The following SMARCA2 variants were observed in gnomAD, a reference collection of about 807,000 sequenced individuals.
SMARCA2 encodes SWI/SNF related BAF chromatin remodeling complex subunit ATPase 2.
A neutral mutation model predicts 199.8 loss-of-function variants in SMARCA2; 61 were observed. The observed-to-expected ratio is 0.31, with a 90% confidence interval of 0.25 to 0.38. SMARCA2 has a LOEUF of 0.38. Ranked by LOEUF, SMARCA2 falls within the 10% of genes least tolerant of loss-of-function variation. SMARCA2 has a pLI of 1.00. For synonymous variants in SMARCA2, 935 were observed against 732.0 expected (o/e 1.28, Z -4.48); for missense variants, 1,344 against 2,012.2 (o/e 0.67, Z 6.35).
chr9:2,041,878 C>A (rs565721363), intron 4 of SMARCA2: 4 of 152,496 alleles, frequency 2.6e-5, no homozygotes, highest in African/African-American at 9.6e-5. Flanking sequence ...GCTTATCCTC[C>A]CTGAGTGCCT....
At chr9:2,151,311 G>C (rs1407804030) in intron 27 of SMARCA2, among the ~76,000 whole-genome samples, 1 of 151,576 alleles carries the variant, frequency 6.6e-6, no homozygotes, top group Non-Finnish European at 1.5e-5. Flanking sequence ...GGCCACCAAA[G>C]ATGAAAGTGC....
At position 2,115,231 on chromosome 9, in the gene SMARCA2, A is replaced by G. The variant is rs1823166955; in HGVS notation, c.3457-591A>G. Among the ~76,000 whole-genome samples, 1 of 152,190 alleles carries G rather than the reference A, an allele frequency of 6.6e-6. No individual in the cohort carries two copies. Among genetic ancestry groups the G allele is most frequent in the Non-Finnish European group, 1.5e-5 (1 of 68,030 alleles). On this transcript the variant is annotated intron_variant, in intron 24 of 33. Coordinates refer to ENST00000349721, the MANE Select transcript of SMARCA2 (RefSeq NM_003070.5). This position sits in a 1 kb window ranked among gnomAD's most constrained non-coding sequence, Gnocchi z 6.0. ...GACAAATTTCTGTCCCCAAAAGTTT[A>G]CCAGTTGACTACCCAACTAGCAATC...
At chr9:2,063,310 A>G (rs1205284693) in intron 9 of SMARCA2, among the ~76,000 whole-genome samples, 1 of 152,236 alleles carries the variant, frequency 6.6e-6, no homozygotes, top group African/African-American at 2.4e-5. Flanking sequence ...ATTCAAGTGC[A>G]AAGGAAGGGG....
At chr9:2,092,365 A>G (rs1298616010) in intron 19 of SMARCA2, among the ~76,000 whole-genome samples, 2 of 152,224 alleles carry the variant, frequency 1.3e-5, no homozygotes, top group Non-Finnish European at 2.9e-5. Context: ...CATTATATCA[A>G]ATTTTGGAAT....
At chr9:2,122,763 A>G (rs1250230840) in intron 26 of SMARCA2, among the ~76,000 whole-genome samples, 1 of 152,236 alleles carries the variant, frequency 6.6e-6, no homozygotes, top group Non-Finnish European at 1.5e-5. Flanking sequence ...GAAGAAGGAA[A>G]AGGTAAATAA....
rs1294085311 is a variant in SMARCA2, at chr9:2,016,793, G to C, written c.-37+1389G>C. ...GTTTGCTTTATTCCCATCCCAACCT[G>C]GTTTACCCCTTCCTTTGCTCTCCCC... On this transcript the variant is annotated intron_variant, in intron 1 of 33. Transcript: ENST00000349721. The surrounding 1 kb of genome is among the most constrained non-coding windows in gnomAD (Gnocchi z 5.6). 1.3e-5 allele frequency among the ~76,000 whole-genome samples: 2 copies of C among 152,190 alleles called. No homozygotes were observed. The highest frequency in any genetic ancestry group is 2.4e-5 in the African/African-American group (1 of 41,460).
At chr9:2,019,902 A>G (rs1311646642) in intron 1 of SMARCA2, among the ~76,000 whole-genome samples, 1 of 151,930 alleles carries the variant, frequency 6.6e-6, no homozygotes, top group Admixed American at 6.6e-5. Context: ...TTGATACCCC[A>G]GAGAAATAAT....
chr9:2,108,002 G>A (rs1296663397), intron 23 of SMARCA2, among the ~76,000 whole-genome samples: 2 of 152,182 alleles, frequency 1.3e-5, no homozygotes, highest in Non-Finnish European at 2.9e-5. Context: ...ACAGGGAAAG[G>A]TGATTGGCAG....
intron 27 of SMARCA2, among the ~76,000 whole-genome samples, chr9:2,142,973 ATTTTT>A (rs145491201): frequency 1.3e-5 from 2 of 151,948 alleles, no homozygotes; most frequent in Non-Finnish European, 2.9e-5. Context: ...GATTAAAATG[ATTTTT>A]TTTAAGTTCT....
chr9:2,149,208 T>TGA (rs1491435040), intron 27 of SMARCA2, among the ~76,000 whole-genome samples: 3 of 150,460 alleles, frequency 2.0e-5, no homozygotes, highest in Non-Finnish European at 4.5e-5. Context: ...CAAGAGAAAA[T>TGA]GAGAGAGATG....
rs1048936885 is a variant in SMARCA2, at chr9:2,179,634, C to T, written c.4254-1937C>T. On this transcript the variant is annotated intron_variant, in intron 29 of 33. Transcript: ENST00000349721. ...ACCCCTTAGAGCTTTGTTGCACTAT[C>T]GGTCACAAACTGCTTATTTCTTATT... 5.3e-5 allele frequency among the ~76,000 whole-genome samples: 8 copies of T among 152,108 alleles called. No homozygotes were observed. The East Asian group carries it at 5.8e-4, about 11-fold the overall frequency.
intron 23 of SMARCA2, among the ~76,000 whole-genome samples, chr9:2,105,240 T>A (rs538524390): frequency 7.8e-4 from 118 of 152,128 alleles, no homozygotes; most frequent in African/African-American, 1.7e-3. Flanking sequence ...TTGATTTTTT[T>A]TTTTATTTTA....
intron 19 of SMARCA2, among the ~76,000 whole-genome samples, chr9:2,093,723 T>G (rs1254653557): frequency 1.3e-5 from 2 of 152,192 alleles, no homozygotes; most frequent in Non-Finnish European, 2.9e-5. Context: ...CTTTTCCCAT[T>G]CCTAGTATTG....
intron 5 of SMARCA2, 65 bp from the exon 6 acceptor site, chr9:2,054,532 T>G: frequency 6.4e-7 from 1 of 1,568,102 alleles, no homozygotes; most frequent in Non-Finnish European, 8.7e-7. Flanking sequence ...TTGTTTATCA[T>G]TTAAGATTAA....
intron 27 of SMARCA2, among the ~76,000 whole-genome samples, chr9:2,150,390 G>C (rs1040756773): frequency 6.6e-5 from 10 of 151,598 alleles, no homozygotes; most frequent in African/African-American, 2.2e-4. Context: ...CACAAGCTTA[G>C]AGACAGGGTA....
At position 2,191,331 on chromosome 9, in the gene SMARCA2, G is replaced by A. The variant is rs1425032684; in HGVS notation, c.4660G>A (p.Gly1554Ser). Residue 1554 changes from glycine to serine, a missense_variant, in exon 33 of 34, where the codon GGC becomes AGC. By Grantham distance (56) the Gly-to-Ser change is moderately conservative. This residue lies in a region of SMARCA2 where 155 missense variants were observed against 121.1 expected (regional missense o/e 1.28). Transcript: ENST00000349721. ...KDDKGRDKGK[G>S]KKRPNRGKAK... The stretch of plus-strand genomic sequence containing the variant: ...TGACAAAGGCCGGGACAAAGGGAAA[G>A]GCAAGAAAAGGCCAAATCGAGGAAA... 6 of 1,614,050 alleles carry A rather than the reference G, an allele frequency of 3.7e-6. No homozygotes were observed. The highest frequency in any genetic ancestry group is 1.7e-5 in the Admixed American group (1 of 60,006).
chr9:2,131,937 CAAA>C (rs140860181), intron 27 of SMARCA2, among the ~76,000 whole-genome samples: 6 of 91,306 alleles, frequency 6.6e-5, no homozygotes, highest in South Asian at 3.4e-4. Flanking sequence ...AACTCCATCT[CAAA>C]AAAAAAAAAA....
At chr9:2,158,573 T>A in intron 27 of SMARCA2, 2 of 178,798 alleles carry the variant, frequency 1.1e-5, no homozygotes, top group East Asian at 2.8e-4. Flanking sequence ...TGTGATTTAT[T>A]TCATTATTGT....
Position 2,039,402 on chromosome 9 carries a change from A to C in SMARCA2, c.356-64A>C. Reference sequence around the variant, plus strand: ...GCTGTGGACAATTATTAGAGTATTCAGGGATATCTCTCTTTCAGGGTTGTC... The same window carrying C: ...GCTGTGGACAATTATTAGAGTATTCCGGGATATCTCTCTTTCAGGGTTGTC... On this transcript the variant is annotated intron_variant, in intron 3 of 33. Transcript: ENST00000349721. This position sits in a 1 kb window ranked among gnomAD's most constrained non-coding sequence, Gnocchi z 4.8. 2.0e-6 allele frequency: 3 copies of C among 1,468,630 alleles called. No individual in the cohort carries two copies. The highest frequency in any genetic ancestry group is 2.8e-6 in the Non-Finnish European group (3 of 1,072,902). The allele number at this position is 1,468,630 out of a possible 1,614,324, so 91.0% of individuals were successfully genotyped here.
Sources: allele counts gnomAD v4.1 joint callset (sites outside exome capture counted in the v4.1 genomes callset), GRCh38; gene constraint gnomAD v4.1.1; regional missense constraint gnomAD v4.1.1; non-coding constraint Gnocchi (gnomAD v3.1); transcripts MANE v1.5; gene names NCBI Gene and HGNC (gene_info 2026-07-23, HGNC 2026-07-21).